The following NEGR1 variants were observed in gnomAD, a reference collection of about 807,000 sequenced individuals.
NEGR1 encodes the protein IgLON family member 4.
Under a neutral mutation model 40.9 loss-of-function variants are expected in NEGR1, and 10 were observed. The observed-to-expected ratio is 0.24, with a 90% CI of 0.15 to 0.42. The LOEUF is 0.42. Among genes scored for constraint, NEGR1 ranks in the 10% least tolerant of loss-of-function variants. The pLI, the probability that NEGR1 is intolerant of heterozygous loss-of-function variation, is 1.00. For missense variants in NEGR1, 352 were observed against 438.9 expected (o/e 0.80, Z 1.77); for synonymous variants, 185 against 166.8 (o/e 1.11, Z -0.84).
chr1:72,158,673 T>C (rs1397562937), intron 1 of NEGR1, among the ~76,000 whole-genome samples: 1 of 152,174 alleles, frequency 6.6e-6, no homozygotes, highest in African/African-American at 2.4e-5. Flanking sequence ...GTTATCTATA[T>C]AGACATGAAA....
intron 6 of NEGR1, among the ~76,000 whole-genome samples, chr1:71,540,083 T>C (rs999408103): frequency 6.6e-6 from 1 of 151,720 alleles, no homozygotes; most frequent in African/African-American, 2.4e-5. Flanking sequence ...CTTTGGGTTT[T>C]AGTGAATATT....
chr1:71,523,672 T>G (rs1647180703), intron 6 of NEGR1, among the ~76,000 whole-genome samples: 1 of 151,866 alleles, frequency 6.6e-6, no homozygotes, highest in South Asian at 2.1e-4. Context: ...ACAGGAAGGC[T>G]CTCCTGCCTA....
chr1:72,102,939 C>T (rs1054168160), intron 1 of NEGR1, among the ~76,000 whole-genome samples: 1 of 151,950 alleles, frequency 6.6e-6, no homozygotes, highest in Non-Finnish European at 1.5e-5. Context: ...ATGGCAATTG[C>T]TTTTGATCAA....
rs1646238698 is a variant in NEGR1, at chr1:71,400,346, G to A, written c.*7100C>T. The A allele has an allele frequency of 6.6e-6, 1 of 151,722 alleles. No homozygotes were observed. Among genetic ancestry groups the A allele is most frequent in the Non-Finnish European group, 1.5e-5 (1 of 67,944 alleles). The allele number at this position is 151,722 out of a possible 1,614,324, so 9.4% of individuals were successfully genotyped here. Reference sequence around the variant, plus strand: ...GTTTTTATCATTATCATAGTATTTGGTTGATGAATTATTGCTATCTCAACT... The same window carrying A: ...GTTTTTATCATTATCATAGTATTTGATTGATGAATTATTGCTATCTCAACT... On this transcript the variant is annotated 3_prime_UTR_variant, in exon 7 of 7. Transcript: ENST00000357731.
chr1:71,978,726 G>C (rs569240430), intron 1 of NEGR1, among the ~76,000 whole-genome samples: 8 of 152,038 alleles, frequency 5.3e-5, no homozygotes, highest in Non-Finnish European at 1.0e-4. Flanking sequence ...AGGTTGCAGA[G>C]AAAAGGAAAC....
chr1:72,021,729 A>G (rs1266385977), intron 1 of NEGR1, among the ~76,000 whole-genome samples: 1 of 152,224 alleles, frequency 6.6e-6, no homozygotes, highest in African/African-American at 2.4e-5. Context: ...TAACTATTAA[A>G]TAAATAATTA....
intron 2 of NEGR1, among the ~76,000 whole-genome samples, chr1:71,902,527 C>A (rs1661168900): frequency 6.6e-6 from 1 of 152,146 alleles, no homozygotes; most frequent in South Asian, 2.1e-4. Flanking sequence ...AATGTGATGA[C>A]CTGCTTGGTC....
At chr1:71,860,708 A>G (rs1659919981) in intron 2 of NEGR1, among the ~76,000 whole-genome samples, 1 of 152,078 alleles carries the variant, frequency 6.6e-6, no homozygotes, top group African/African-American at 2.4e-5. Context: ...TTCTTAAGGA[A>G]TTACAGAAGG....
intron 1 of NEGR1, among the ~76,000 whole-genome samples, chr1:72,021,931 T>G (rs547891965): frequency 2.6e-5 from 4 of 151,742 alleles, no homozygotes; most frequent in Admixed American, 2.6e-4. Context: ...GTCAGGAGAT[T>G]GAGACCATCC....
At chr1:71,788,418 A>G (rs1008533157) in intron 2 of NEGR1, among the ~76,000 whole-genome samples, 1 of 151,608 alleles carries the variant, frequency 6.6e-6, no homozygotes, top group Non-Finnish European at 1.5e-5. Flanking sequence ...TGCTATGCCT[A>G]CTGCCAAGAT....
chr1:72,046,288 A>C (rs919495579), intron 1 of NEGR1, among the ~76,000 whole-genome samples: 42 of 151,834 alleles, frequency 2.8e-4, no homozygotes, highest in African/African-American at 9.2e-4. Context: ...TAAAAATTAA[A>C]TATTTTTGAA....
chr1:71,694,415 C>T (rs1407169880), intron 4 of NEGR1, among the ~76,000 whole-genome samples: 1 of 151,626 alleles, frequency 6.6e-6, no homozygotes, highest in African/African-American at 2.4e-5. Flanking sequence ...ACCTAATATC[C>T]CCCTACTTAG....
chr1:71,502,290 G>T (rs1458024039), intron 6 of NEGR1, among the ~76,000 whole-genome samples: 1 of 152,076 alleles, frequency 6.6e-6, no homozygotes, highest in Non-Finnish European at 1.5e-5. Context: ...CTTATAAGGG[G>T]GATAATGAAA....
chr1:71,447,766 G>T (rs1646592959), intron 6 of NEGR1, among the ~76,000 whole-genome samples: 1 of 152,134 alleles, frequency 6.6e-6, no homozygotes, highest in South Asian at 2.1e-4. Context: ...TCATCGTCGT[G>T]TTCACAATGA....
chr1:72,089,089 A>G (rs954373298), intron 1 of NEGR1, among the ~76,000 whole-genome samples: 2 of 152,164 alleles, frequency 1.3e-5, no homozygotes, highest in African/African-American at 4.8e-5. Context: ...ATGTTGAATC[A>G]TTAGGCAGAG....
At chr1:71,870,081 T>C (rs758939051) in intron 2 of NEGR1, among the ~76,000 whole-genome samples, 5 of 151,940 alleles carry the variant, frequency 3.3e-5, no homozygotes, top group Non-Finnish European at 7.4e-5. Flanking sequence ...GGTTTCGCCG[T>C]GTTGGCCAGG....
intron 1 of NEGR1, among the ~76,000 whole-genome samples, chr1:72,009,840 C>A (rs1646640856): frequency 6.6e-6 from 1 of 151,814 alleles, no homozygotes; most frequent in Non-Finnish European, 1.5e-5. Flanking sequence ...GAATGAAATC[C>A]AATGTAGATA....
At chr1:71,898,476 G>A (rs140975591) in intron 2 of NEGR1, among the ~76,000 whole-genome samples, 3,050 of 152,152 alleles carry the variant, frequency 0.02, 63 homozygotes, top group South Asian at 0.1. Context: ...TTAGCCGGGC[G>A]TAGTGGCGGA....
chr1:72,211,769 T>A (rs535579811), intron 1 of NEGR1, among the ~76,000 whole-genome samples: 1 of 151,950 alleles, frequency 6.6e-6, no homozygotes, highest in South Asian at 2.1e-4. Context: ...TTCTAAATTT[T>A]TTTTTAAGAA....
Sources: allele counts gnomAD v4.1 joint callset (sites outside exome capture counted in the v4.1 genomes callset), GRCh38; gene constraint gnomAD v4.1.1; transcripts MANE v1.5; gene names NCBI Gene and HGNC (gene_info 2026-07-23, HGNC 2026-07-21).